The following SLC24A2 variants were observed in gnomAD, a reference collection of about 807,000 sequenced individuals.
The protein encoded by SLC24A2 is sodium/potassium/calcium exchanger 2.
Under a neutral mutation model 62.0 loss-of-function variants are expected in SLC24A2, and 36 were observed. The ratio of observed to expected loss-of-function variants is 0.58; its 90% CI spans 0.44 to 0.77. The LOEUF (loss-of-function observed/expected upper bound fraction) is 0.77, where lower values mean the gene tolerates loss of function less well. Among genes scored for constraint, SLC24A2 ranks in the 30% least tolerant of loss-of-function variants. The pLI is 0.00. For synonymous variants in SLC24A2, 358 were observed against 294.0 expected (o/e 1.22, Z -2.23); for missense variants, 846 against 817.9 (o/e 1.03, Z -0.42).
chr9:20,034,590 C>T, the SLC24A2 span, among the ~76,000 whole-genome samples: 3 of 151,846 alleles, frequency 2.0e-5, no homozygotes, highest in South Asian at 6.2e-4. Context: ...CCTCAGCTTC[C>T]CGAGGAGCTG....
At chr9:19,660,189 G>A (rs7045004) in intron 2 of SLC24A2, among the ~76,000 whole-genome samples, 2,612 of 152,288 alleles carry the variant, frequency 0.017, 44 homozygotes, top group East Asian at 0.088. Flanking sequence ...AGGGAAGCAG[G>A]TGGAGGAAGC....
At chr9:19,544,293 C>T (rs866942583) in intron 8 of SLC24A2, among the ~76,000 whole-genome samples, 8 of 125,948 alleles carry the variant, frequency 6.4e-5, no homozygotes, top group Non-Finnish European at 1.3e-4. Flanking sequence ...GGTAAATCTT[C>T]CTCCATCCCT....
At chr9:19,708,345 G>C (rs1197006736) in intron 2 of SLC24A2, among the ~76,000 whole-genome samples, 6 of 152,046 alleles carry the variant, frequency 3.9e-5, no homozygotes, top group African/African-American at 1.4e-4. Flanking sequence ...GTAATTTATA[G>C]ATTCAATGCC....
Position 19,626,671 on chromosome 9 carries a change from C to T in SLC24A2, c.931-4372G>A, listed in dbSNP as rs191043619. Among the ~76,000 whole-genome samples the T allele has an allele frequency of 2.3e-3, 351 of 152,082 alleles. 2 individuals are homozygous for T. The highest frequency in any genetic ancestry group is 3.9e-3 in the Non-Finnish European group (264 of 67,970). On this transcript the variant is annotated intron_variant, in intron 2 of 10. Transcript: ENST00000341998. ...TGATTAGAATATTAATCCAATATTC[C>T]AATGGACATGAATTTTAATGTCTTA...
the SLC24A2 span, among the ~76,000 whole-genome samples, chr9:20,044,284 G>GGAACCT: frequency 1.3e-5 from 2 of 152,156 alleles, no homozygotes; most frequent in African/African-American, 4.8e-5. Context: ...GTGATGGTCT[G>GGAACCT]GAACCTGAAC....
chr9:20,044,175 T>C, the SLC24A2 span, among the ~76,000 whole-genome samples: 1 of 152,160 alleles, frequency 6.6e-6, no homozygotes, highest in Non-Finnish European at 1.5e-5. Flanking sequence ...CAATGCAAAC[T>C]TTTTATACAT....
chr9:20,082,731 G>A, the SLC24A2 span, among the ~76,000 whole-genome samples: 1 of 152,228 alleles, frequency 6.6e-6, no homozygotes, highest in Non-Finnish European at 1.5e-5. Context: ...CCCATGGTGG[G>A]GGAGCAAGAG....
chr9:20,154,054 T>A, the SLC24A2 span, among the ~76,000 whole-genome samples: 8 of 151,880 alleles, frequency 5.3e-5, no homozygotes, highest in South Asian at 2.1e-4. Context: ...TTTTGTTCCA[T>A]TGGTTTAACT....
the SLC24A2 span, among the ~76,000 whole-genome samples, chr9:20,073,991 A>G: frequency 2.1e-4 from 32 of 150,026 alleles, no homozygotes; most frequent in African/African-American, 7.1e-4. Context: ...TATTGTTCTG[A>G]AGATTAGGAA....
chr9:19,822,363 T>C, the SLC24A2 span, among the ~76,000 whole-genome samples: 1 of 152,236 alleles, frequency 6.6e-6, no homozygotes, highest in East Asian at 1.9e-4. Flanking sequence ...AATATATAAT[T>C]GATGATAGGA....
At chr9:20,144,206 G>A in the SLC24A2 span, among the ~76,000 whole-genome samples, 7 of 152,160 alleles carry the variant, frequency 4.6e-5, no homozygotes, top group African/African-American at 1.7e-4. Context: ...GGCTTTTTCT[G>A]TGAAATCACT....
At chr9:20,166,644 A>C in the SLC24A2 span, among the ~76,000 whole-genome samples, 1 of 151,992 alleles carries the variant, frequency 6.6e-6, no homozygotes, top group South Asian at 2.1e-4. Context: ...TTAAGCCAGA[A>C]AATAGTACAA....
chr9:20,272,577 G>GA, the SLC24A2 span, among the ~76,000 whole-genome samples: 1 of 152,112 alleles, frequency 6.6e-6, no homozygotes, highest in African/African-American at 2.4e-5. Flanking sequence ...AAGCAAGTTG[G>GA]AAAACTGAGA....
intron 3 of SLC24A2, among the ~76,000 whole-genome samples, chr9:19,621,502 T>C (rs776912884): frequency 6.6e-6 from 1 of 152,214 alleles, no homozygotes; most frequent in Non-Finnish European, 1.5e-5. Flanking sequence ...TTATTAGTTA[T>C]AGAGGATTCA....
chr9:19,517,146 G>C (rs942684776), intron 10 of SLC24A2, among the ~76,000 whole-genome samples: 9 of 152,144 alleles, frequency 5.9e-5, no homozygotes, highest in African/African-American at 2.2e-4. Flanking sequence ...GATCCTGAAA[G>C]ACCTCAGGAG....
the SLC24A2 span, among the ~76,000 whole-genome samples, chr9:19,973,988 A>C: frequency 1.3e-5 from 2 of 152,140 alleles, no homozygotes; most frequent in East Asian, 1.9e-4. Context: ...TGTTTCATTA[A>C]ATTTGTGATC....
the SLC24A2 span, among the ~76,000 whole-genome samples, chr9:19,832,205 A>T: frequency 6.6e-6 from 1 of 152,240 alleles, no homozygotes; most frequent in African/African-American, 2.4e-5. Flanking sequence ...TGAGCAGAGC[A>T]TTCCAACTGT....
intron 2 of SLC24A2, among the ~76,000 whole-genome samples, chr9:19,662,346 T>C (rs1287346416): frequency 6.6e-6 from 1 of 152,198 alleles, no homozygotes; most frequent in East Asian, 1.9e-4. Context: ...ACTAGACACA[T>C]TTCAAGGGCT....
the SLC24A2 span, among the ~76,000 whole-genome samples, chr9:20,268,698 C>T: frequency 6.3e-3 from 964 of 152,272 alleles, 7 homozygotes; most frequent in African/African-American, 0.022. Context: ...TTATAAGCAA[C>T]AGAAAACAGA....
Sources: allele counts gnomAD v4.1 joint callset (sites outside exome capture counted in the v4.1 genomes callset), GRCh38; gene constraint gnomAD v4.1.1; transcripts MANE v1.5; gene names NCBI Gene and HGNC (gene_info 2026-07-23, HGNC 2026-07-21).